EPS15: variants seen among roughly 807,000 people sequenced by gnomAD.
The protein encoded by EPS15 is epidermal growth factor receptor substrate 15.
Under a neutral mutation model 113.8 loss-of-function variants are expected in EPS15, and 72 were observed. The ratio of observed to expected loss-of-function variants is 0.63; its 90% CI spans 0.52 to 0.77. The LOEUF (loss-of-function observed/expected upper bound fraction) is 0.77. Ranked by LOEUF, EPS15 falls within the 30% of genes least tolerant of loss-of-function variation. EPS15 has a pLI of 0.00. For missense variants in EPS15, 1,048 were observed against 1,045.8 expected (o/e 1.00, Z -0.03); for synonymous variants, 344 against 363.4 (o/e 0.95, Z 0.61).
rs58682019 is a variant in EPS15 at position 51,508,336 on chromosome 1, G to A, written c.33+10863C>T. On this transcript the variant is annotated intron_variant, in intron 1 of 24. Coordinates refer to ENST00000371733, the MANE Select transcript of EPS15 (RefSeq NM_001981.3). ...AAAGAGAGAAAGAGAGAAAGAGAAA[G>A]AGAGAAAGAAAGAAAGAAAGAAAGA... Among the ~76,000 whole-genome samples the A allele has an allele frequency of 2.9e-3, 349 of 121,820 alleles. 1 individual carries two copies. The highest frequency in any genetic ancestry group is 0.011 in the African/African-American group (296 of 27,170). The allele number at this position is 121,820 out of a possible 152,430, so 79.9% of individuals were successfully genotyped here.
intron 1 of EPS15, among the ~76,000 whole-genome samples, chr1:51,517,576 C>T (rs1261376425): frequency 6.6e-6 from 1 of 152,232 alleles, no homozygotes; most frequent in Non-Finnish European, 1.5e-5. Flanking sequence ...AAACAACAGC[C>T]TGCCAACAGG....
intron 7 of EPS15, among the ~76,000 whole-genome samples, chr1:51,462,870 ATTTTTTTTTTT>A (rs34320767): frequency 1.1e-4 from 12 of 111,068 alleles, no homozygotes; most frequent in South Asian, 8.5e-4. Flanking sequence ...AAAAAGTCAG[ATTTTTTTTTTT>A]TTTTTTTTTT....
Position 51,508,376 on chromosome 1 carries a change from GAAAGAA to G in EPS15, c.33+10817_33+10822del, listed in dbSNP as rs1323865321. On this transcript the variant is annotated intron_variant, in intron 1 of 24. Coordinates refer to ENST00000371733, the MANE Select transcript of EPS15 (RefSeq NM_001981.3). ...AGAAAGAAAGAAAGAAAGAAAGAAA[GAAAGAA>G]AGAGAAAATTTAAACAAATACATAT... is the stretch of plus-strand genomic sequence containing the variant. Among the ~76,000 whole-genome samples the G allele has an allele frequency of 6.0e-5, 9 of 148,878 alleles. No homozygotes were observed. The East Asian group carries it at 1.2e-3, about 19-fold the overall frequency.
At chr1:51,518,246 G>C (rs1170548914) in intron 1 of EPS15, 8 of 152,462 alleles carry the variant, frequency 5.2e-5, no homozygotes, top group Admixed American at 4.6e-4. Flanking sequence ...CAGGTTCCCA[G>C]TGTGAGTGAT....
chr1:51,422,560 T>C (rs1433703696), intron 12 of EPS15, among the ~76,000 whole-genome samples: 1 of 152,260 alleles, frequency 6.6e-6, no homozygotes, highest in Non-Finnish European at 1.5e-5. Context: ...CGCTTTTACT[T>C]TGAAACATCG....
intron 1 of EPS15, among the ~76,000 whole-genome samples, 183 bp downstream of exon 1, chr1:51,519,016 G>GC (rs1330028400): frequency 6.6e-6 from 1 of 151,360 alleles, no homozygotes; most frequent in Non-Finnish European, 1.5e-5. Flanking sequence ...CCGCAGGGGG[G>GC]CTCCGGCTCC....
chr1:51,371,164 C>T lies in EPS15; in HGVS notation c.2120-5135G>A, dbSNP rs1467031458. ...GAACTCCCAACCTCAATCCACCCACCGTGGCCTCTCAAAGTGCTGGGATTA... is the reference window on the plus strand; with the variant it reads ...GAACTCCCAACCTCAATCCACCCACTGTGGCCTCTCAAAGTGCTGGGATTA... On this transcript the variant is annotated intron_variant, in intron 21 of 24. Transcript: ENST00000371733. Among the ~76,000 whole-genome samples the T allele has an allele frequency of 2.6e-5, 4 of 152,152 alleles. No homozygotes were observed. The East Asian group carries it at 7.7e-4, about 29-fold the overall frequency.
chr1:51,368,849 G>A (rs7522189), intron 21 of EPS15, among the ~76,000 whole-genome samples: 3,342 of 152,056 alleles, frequency 0.022, 30 homozygotes, highest in Middle Eastern at 0.034. Context: ...GCAATCTGCC[G>A]GCCTAAGCCT....
chr1:51,360,712 CATATA>C (rs1229799287), intron 24 of EPS15, among the ~76,000 whole-genome samples: 1 of 152,116 alleles, frequency 6.6e-6, no homozygotes, highest in Non-Finnish European at 1.5e-5. Context: ...TCTATCCTCT[CATATA>C]ATATTTGCTG....
intron 24 of EPS15, among the ~76,000 whole-genome samples, chr1:51,358,347 C>T (rs1646290543): frequency 6.6e-6 from 1 of 152,082 alleles, no homozygotes. Context: ...AACTTTTAGA[C>T]CAGTCTAAAT....
chr1:51,370,368 T>A (rs1312373935), intron 21 of EPS15, among the ~76,000 whole-genome samples: 1 of 152,166 alleles, frequency 6.6e-6, no homozygotes, highest in Admixed American at 6.5e-5. Context: ...GATTTTGGAA[T>A]ATTTGCACTG....
At chr1:51,360,800 C>T (rs1024374744) in intron 24 of EPS15, among the ~76,000 whole-genome samples, 1 of 152,102 alleles carries the variant, frequency 6.6e-6, no homozygotes, top group African/African-American at 2.4e-5. Flanking sequence ...AAACTTATTA[C>T]TGGCATTATT....
At chr1:51,462,970 G>A (rs1654588630) in intron 7 of EPS15, among the ~76,000 whole-genome samples, 2 of 145,988 alleles carry the variant, frequency 1.4e-5, no homozygotes, top group South Asian at 4.3e-4. Context: ...ACTGCCTCCT[G>A]GGTTCACGCG....
At chr1:51,425,187 C>T (rs77185195) in intron 12 of EPS15, among the ~76,000 whole-genome samples, 6,437 of 152,238 alleles carry the variant, frequency 0.042, 207 homozygotes, top group Middle Eastern at 0.11. Context: ...TTCCATGGAG[C>T]GGTGAATTTG....
At chr1:51,407,093 G>A (rs1216361213) in intron 15 of EPS15, among the ~76,000 whole-genome samples, 1 of 152,142 alleles carries the variant, frequency 6.6e-6, no homozygotes, top group Admixed American at 6.5e-5. Flanking sequence ...TCTTTTCAAG[G>A]ATATGTAACC....
intron 21 of EPS15, among the ~76,000 whole-genome samples, chr1:51,379,085 A>T (rs1187565468): frequency 6.6e-6 from 1 of 152,202 alleles, no homozygotes; most frequent in Non-Finnish European, 1.5e-5. Flanking sequence ...AAGTAGTGAG[A>T]GAAAACTGAC....
chr1:51,370,624 G>GT (rs58278423), intron 21 of EPS15, among the ~76,000 whole-genome samples: 3,966 of 141,980 alleles, frequency 0.028, 80 homozygotes, highest in African/African-American at 0.056. Context: ...TTGTTAGGCT[G>GT]TTTTTTTTTT....
chr1:51,481,111 T>C (rs1037234422), intron 2 of EPS15, among the ~76,000 whole-genome samples, 162 bp downstream of exon 2: 1 of 152,210 alleles, frequency 6.6e-6, no homozygotes. Flanking sequence ...TTCTCTGGGA[T>C]TGTCAAATGC....
At chr1:51,428,004 T>G (rs192410320) in intron 12 of EPS15, among the ~76,000 whole-genome samples, 9 of 152,196 alleles carry the variant, frequency 5.9e-5, no homozygotes, top group Admixed American at 3.9e-4. Context: ...TGTCAATTTG[T>G]GACATATAAT....
Sources: allele counts gnomAD v4.1 joint callset (sites outside exome capture counted in the v4.1 genomes callset), GRCh38; gene constraint gnomAD v4.1.1; transcripts MANE v1.5; gene names NCBI Gene and HGNC (gene_info 2026-07-23, HGNC 2026-07-21).